The following RBFOX1 variants were observed in gnomAD, a reference collection of about 807,000 sequenced individuals.
RBFOX1 encodes the protein RNA binding protein fox-1 homolog 1.
RBFOX1 carries 8 observed loss-of-function variants against 57.7 expected under a neutral mutation model. That is an observed-to-expected ratio of 0.14 (90% CI 0.08 to 0.25). The LOEUF is 0.25. RBFOX1 is among the 10% of genes least tolerant of loss of function. The pLI is 1.00. For missense variants in RBFOX1, 611 were observed against 548.5 expected, an observed-to-expected ratio of 1.11 and a Z score of -1.14; for synonymous variants, 326 against 222.4, an observed-to-expected ratio of 1.47 and a Z score of -4.15.
At chr16:6,618,525 T>G (rs1301694853) in intron 2 of RBFOX1, among the ~76,000 whole-genome samples, 1 of 152,188 alleles carries the variant, frequency 6.6e-6, no homozygotes, top group Non-Finnish European at 1.5e-5. Flanking sequence ...AATGTGGATT[T>G]TGCTTATAAT....
intron 2 of RBFOX1, among the ~76,000 whole-genome samples, chr16:6,329,642 T>C (rs2082769695): frequency 1.3e-5 from 2 of 152,124 alleles, no homozygotes; most frequent in African/African-American, 4.8e-5. Context: ...CTTCAAAAGA[T>C]GGATGAAGGC....
intron 4 of RBFOX1, among the ~76,000 whole-genome samples, chr16:7,453,912 T>G (rs9935428): frequency 7.2e-5 from 11 of 151,796 alleles, no homozygotes; most frequent in African/African-American, 2.4e-4. Flanking sequence ...GTGGAGGAAG[T>G]GTTGGTCTTC....
chr16:5,433,426 C>G (rs4786684), intron 1 of RBFOX1, among the ~76,000 whole-genome samples: 78,172 of 151,894 alleles, frequency 0.51, 20,558 homozygotes, highest in East Asian at 0.68. Context: ...AGTTGTAGCT[C>G]AAGACTGTTT....
intron 10 of RBFOX1, among the ~76,000 whole-genome samples, chr16:7,609,018 G>A (rs182189023): frequency 6.6e-6 from 1 of 152,258 alleles, no homozygotes; most frequent in Admixed American, 6.5e-5. Flanking sequence ...ACAGAACATG[G>A]CATGTATTGC....
At chr16:7,306,376 G>C (rs1474443044) in intron 4 of RBFOX1, among the ~76,000 whole-genome samples, 5 of 152,204 alleles carry the variant, frequency 3.3e-5, no homozygotes, top group Non-Finnish European at 7.3e-5. Context: ...GCTCTGGAAA[G>C]GGGAGGCTTG....
At chr16:7,534,177 C>G (rs1326313049) in intron 5 of RBFOX1, among the ~76,000 whole-genome samples, 2 of 151,348 alleles carry the variant, frequency 1.3e-5, no homozygotes, top group African/African-American at 2.4e-5. Flanking sequence ...GCCTCCACCT[C>G]CCAGGTTCAG....
chr16:5,673,056 G>A (rs7194033), intron 3 of RBFOX1, among the ~76,000 whole-genome samples: 5 of 151,900 alleles, frequency 3.3e-5, no homozygotes, highest in East Asian at 1.9e-4. Flanking sequence ...GCCTCCACCC[G>A]CTTCCAGCGG....
At chr16:5,583,584 G>C (rs2046742790) in intron 2 of RBFOX1, among the ~76,000 whole-genome samples, 1 of 152,182 alleles carries the variant, frequency 6.6e-6, no homozygotes, top group African/African-American at 2.4e-5. Context: ...TTCACGAATT[G>C]TTTCTTTTCT....
intron 3 of RBFOX1, among the ~76,000 whole-genome samples, chr16:5,681,482 C>T (rs36055233): frequency 0.22 from 32,595 of 150,276 alleles, 4,018 homozygotes; most frequent in East Asian, 0.56. Context: ...TCCCCATCCC[C>T]GGTTCAAGTG....
At chr16:6,658,938 T>TTTTTTG (rs1370403896) in intron 3 of RBFOX1, among the ~76,000 whole-genome samples, 2 of 123,416 alleles carry the variant, frequency 1.6e-5, no homozygotes, top group Non-Finnish European at 3.6e-5. Flanking sequence ...GTTTTTTTGT[T>TTTTTTG]TTTTTTGTTT....
At chr16:6,770,369 G>GGAAAACT (rs1259875635) in intron 3 of RBFOX1, among the ~76,000 whole-genome samples, 2 of 152,108 alleles carry the variant, frequency 1.3e-5, no homozygotes, top group African/African-American at 4.8e-5. Context: ...TGCAGCCTGT[G>GGAAAACT]GGCCACATTT....
intron 11 of RBFOX1, among the ~76,000 whole-genome samples, chr16:7,639,479 T>G (rs912412645): frequency 1.3e-5 from 2 of 152,194 alleles, no homozygotes; most frequent in African/African-American, 4.8e-5. Context: ...ATTCAACCAA[T>G]CTTTATTGAA....
At chr16:5,509,852 G>A (rs1428386387) in intron 2 of RBFOX1, among the ~76,000 whole-genome samples, 2 of 152,182 alleles carry the variant, frequency 1.3e-5, no homozygotes, top group Admixed American at 6.5e-5. Context: ...GGAGTGCGGG[G>A]TGTCCCAGAT....
chr16:5,733,985 G>A (rs1597022690), intron 3 of RBFOX1, among the ~76,000 whole-genome samples: 2 of 152,142 alleles, frequency 1.3e-5, no homozygotes, highest in East Asian at 1.9e-4. Flanking sequence ...TGATGACTGG[G>A]CACGTGTTAC....
At chr16:6,907,021 G>A (rs1238913048) in intron 3 of RBFOX1, among the ~76,000 whole-genome samples, 1 of 152,066 alleles carries the variant, frequency 6.6e-6, no homozygotes, top group Non-Finnish European at 1.5e-5. Flanking sequence ...ACCGCACCCA[G>A]CTTGCAGAAC....
chr16:7,616,623 G>A (rs532752971), intron 10 of RBFOX1, among the ~76,000 whole-genome samples: 116 of 152,120 alleles, frequency 7.6e-4, no homozygotes, highest in Non-Finnish European at 1.4e-3. Flanking sequence ...GAGTGCAGGG[G>A]CGTTATCTTG....
intron 2 of RBFOX1, among the ~76,000 whole-genome samples, chr16:5,528,500 A>G (rs1298871475): frequency 1.3e-5 from 2 of 150,260 alleles, no homozygotes; most frequent in African/African-American, 4.9e-5. Flanking sequence ...ATGGCATTAT[A>G]GGTCAAAGCA....
chr16:6,746,348 A>G (rs2073636367), intron 3 of RBFOX1, among the ~76,000 whole-genome samples: 1 of 152,172 alleles, frequency 6.6e-6, no homozygotes. Context: ...TGAATACTGT[A>G]TGATTTGCAG....
chr16:6,132,845 G>T (rs1478834560), intron 1 of RBFOX1, among the ~76,000 whole-genome samples: 1 of 151,662 alleles, frequency 6.6e-6, no homozygotes, highest in Non-Finnish European at 1.5e-5. Context: ...AAATTAGCTG[G>T]GCATGGTGGC....
Sources: allele counts gnomAD v4.1 joint callset (sites outside exome capture counted in the v4.1 genomes callset), GRCh38; gene constraint gnomAD v4.1.1; transcripts MANE v1.5; gene names NCBI Gene and HGNC (gene_info 2026-07-23, HGNC 2026-07-21).